Variants in LPL observed in about 807,000 individuals in gnomAD.
LPL encodes the protein phospholipase A1.
Under a neutral mutation model 52.2 loss-of-function variants are expected in LPL, and 43 were observed. The ratio of observed to expected loss-of-function variants is 0.82; its 90% confidence interval spans 0.64 to 1.06. The LOEUF (loss-of-function observed/expected upper bound fraction) is 1.06, where lower values mean the gene tolerates loss of function less well. LPL is among the 50% of genes least tolerant of loss of function. The probability of loss-of-function intolerance (pLI) is 0.00; values close to 1 mark genes in which losing one functional copy is unlikely to be tolerated. For missense variants in LPL, 639 were observed against 585.3 expected, an observed-to-expected ratio of 1.09 and a Z score of -0.95; for synonymous variants, 244 against 215.6, an observed-to-expected ratio of 1.13 and a Z score of -1.15.
rs2069812741 is a variant in LPL, at chr8:19,939,585, A to C, written c.88+57A>C. 2.0e-6 allele frequency: 3 copies of C among 1,514,526 alleles called. No individual in the cohort carries two copies. Among genetic ancestry groups the C allele is most frequent in the Non-Finnish European group, 2.7e-6 (3 of 1,114,416 alleles). 93.8% of individuals were successfully genotyped at this position (1,514,526 alleles called of 1,614,324 possible). A position where few individuals can be genotyped will look rare whatever the true frequency, so the allele number is the denominator to read the frequency against. ...GCAGACCCGGCGGGTGGCCACTGCC[A>C]CCCGAACTGAGGATGAGAAGAAGGA... On this transcript the variant is annotated intron_variant, in intron 1 of 9. Transcript: ENST00000650287. The surrounding 1 kb of genome is among the most constrained non-coding windows in gnomAD (Gnocchi z 4.0).
At chr8:19,949,181 A>G (rs1421976353) in intron 2 of LPL, among the ~76,000 whole-genome samples, 2 of 152,196 alleles carry the variant, frequency 1.3e-5, no homozygotes, top group Non-Finnish European at 2.9e-5. Flanking sequence ...TATATTATCT[A>G]TCCATTATGT....
chr8:19,955,808 G>C, intron 5 of LPL, 33 bp from the exon 6 acceptor site: 1 of 1,613,936 alleles, frequency 6.2e-7, no homozygotes, highest in Non-Finnish European at 8.5e-7. Context: ...AATTTCTGCC[G>C]AGATACAATC....
intron 3 of LPL, among the ~76,000 whole-genome samples, chr8:19,953,038 G>T (rs2069949155): frequency 6.6e-6 from 1 of 151,912 alleles, no homozygotes; most frequent in Non-Finnish European, 1.5e-5. Flanking sequence ...TACTATTTCA[G>T]ATGCATGGAA....
intron 1 of LPL, among the ~76,000 whole-genome samples, chr8:19,941,646 C>T (rs2069839712): frequency 6.6e-6 from 1 of 152,226 alleles, no homozygotes; most frequent in Non-Finnish European, 1.5e-5. Context: ...CCCATCCCCT[C>T]CACTTTCACT....
intron 7 of LPL, among the ~76,000 whole-genome samples, chr8:19,959,775 C>CCCTTTTTTTT (rs2070020694): frequency 9.9e-6 from 1 of 100,730 alleles, no homozygotes; most frequent in Non-Finnish European, 2.0e-5. Flanking sequence ...AAAGTGTTAG[C>CCCTTTTTTTT]TCTTTTTTTT....
intron 1 of LPL, among the ~76,000 whole-genome samples, chr8:19,946,378 A>G (rs1468768969): frequency 1.3e-5 from 2 of 152,138 alleles, no homozygotes; most frequent in African/African-American, 4.8e-5. Flanking sequence ...CTCATTGCAT[A>G]TTTCTTAAAC....
chr8:19,952,117 T>A (rs1413675231), intron 3 of LPL, among the ~76,000 whole-genome samples, 169 bp downstream of exon 3: 1 of 152,218 alleles, frequency 6.6e-6, no homozygotes, highest in African/African-American at 2.4e-5. Context: ...AACATTTTGA[T>A]AAGAATAGAC....
At chr8:19,955,747 T>C in intron 5 of LPL, 94 bp from the exon 6 acceptor site, 3 of 1,499,298 alleles carry the variant, frequency 2.0e-6, no homozygotes, top group Non-Finnish European at 2.8e-6. Flanking sequence ...GATTCTACTC[T>C]AACACCACAT....
chr8:19,961,907 C>T (rs1283880151), intron 8 of LPL, among the ~76,000 whole-genome samples: 1 of 152,142 alleles, frequency 6.6e-6, no homozygotes, highest in African/African-American at 2.4e-5. Context: ...TCTAAATTAA[C>T]TAGCTTGGTT....
rs1205420392 is a variant in LPL, at chr8:19,960,459, T to C, written c.1140-442T>C. ...ATCGTGGTTTATCAAGTCATTAAAA[T>C]CAATCTAGCCTTTAAAAACTATAAT... On this transcript the variant is annotated intron_variant, in intron 7 of 9. Coordinates refer to ENST00000650287, the MANE Select transcript of LPL (RefSeq NM_000237.3). Among the ~76,000 whole-genome samples, 6 of 152,254 alleles carry C rather than the reference T, an allele frequency of 3.9e-5. No homozygotes were observed. The East Asian group carries it at 1.2e-3, about 29-fold the overall frequency.
At chr8:19,954,597 G>A (rs954056546) in intron 5 of LPL, among the ~76,000 whole-genome samples, 20 of 152,152 alleles carry the variant, frequency 1.3e-4, no homozygotes, top group African/African-American at 4.8e-4. Context: ...AGAGAAAAAG[G>A]TGGGATTTTA....
At position 19,962,782 on chromosome 8, in the gene LPL, G is replaced by A. The variant is rs918494362; in HGVS notation, c.1427+563G>A. Among the ~76,000 whole-genome samples the A allele has an allele frequency of 5.9e-5, 9 of 152,196 alleles. No individual in the cohort carries two copies. In the South Asian group the frequency reaches 1.9e-3, roughly 32 times the overall value. The stretch of plus-strand genomic sequence containing the variant: ...CCAAGCAAACAGAATGAGAGTTATA[G>A]GAAACTGTTCTCTCTTCTATCTCCA... On this transcript the variant is annotated intron_variant, in intron 9 of 9. Coordinates refer to ENST00000650287, the MANE Select transcript of LPL (RefSeq NM_000237.3).
rs2069924537 is a variant in LPL, at chr8:19,950,539, C to A, written c.250-1230C>A. On this transcript the variant is annotated intron_variant, in intron 2 of 9. Transcript: ENST00000650287. This position sits in a 1 kb window ranked among gnomAD's most constrained non-coding sequence, Gnocchi z 4.2. ...ACTGGGCTGGGAGCGGTGGCTCATG[C>A]CTGTGATCCCAGCACTCTGGGAGGC... is the stretch of plus-strand genomic sequence containing the variant. Among the ~76,000 whole-genome samples the A allele has an allele frequency of 6.6e-6, 1 of 152,212 alleles. No homozygotes were observed. Among genetic ancestry groups the A allele is most frequent in the Admixed American group, 6.5e-5 (1 of 15,288 alleles).
chr8:19,959,710 C>G (rs1274164764), intron 7 of LPL, among the ~76,000 whole-genome samples: 1 of 147,208 alleles, frequency 6.8e-6, no homozygotes, highest in Non-Finnish European at 1.5e-5. Context: ...GGAAACCACT[C>G]TATAGATGTA....
rs1163379044 is a variant in LPL at position 19,944,689 on chromosome 8, G to A, written c.89-3491G>A. ...TCTATACATTTATCTTTCTCTACGT[G>A]CTTTAACTTCTCAGCCTAATTTCGT... On this transcript the variant is annotated intron_variant, in intron 1 of 9. Coordinates refer to ENST00000650287, the MANE Select transcript of LPL (RefSeq NM_000237.3). This position sits in a 1 kb window ranked among gnomAD's most constrained non-coding sequence, Gnocchi z 4.2. Among the ~76,000 whole-genome samples, 2 of 152,032 alleles carry A rather than the reference G, an allele frequency of 1.3e-5. No individual in the cohort carries two copies. Among genetic ancestry groups the A allele is most frequent in the African/African-American group, 4.8e-5 (2 of 41,380 alleles).
intron 6 of LPL, among the ~76,000 whole-genome samples, chr8:19,957,435 T>A (rs563969022): frequency 6.6e-6 from 1 of 152,326 alleles, no homozygotes; most frequent in East Asian, 1.9e-4. Flanking sequence ...CACCTGTGCT[T>A]CAAGGAAACC....
In LPL at chr8:19,965,421, A is replaced by G; in HGVS notation, c.*111A>G. 1 of 753,332 alleles carries G rather than the reference A, an allele frequency of 1.3e-6. No individual in the cohort carries two copies. The highest frequency in any genetic ancestry group is 1.7e-5 in the African/African-American group (1 of 58,424). 46.7% of individuals were successfully genotyped at this position (753,332 alleles called of 1,614,324 possible). On this transcript the variant is annotated 3_prime_UTR_variant, in exon 10 of 10. Transcript: ENST00000650287. ...AGTGTTTGGGGTGTTTCAAAAGTGG[A>G]TTTTCCTGAATATTAATCCCAGCCC...
At chr8:19,962,450 C>T (rs186713770) in intron 9 of LPL, among the ~76,000 whole-genome samples, 7 of 152,288 alleles carry the variant, frequency 4.6e-5, no homozygotes, top group Admixed American at 1.3e-4. Flanking sequence ...CCCGGACCTT[C>T]AACCCAGGCA....
chr8:19,963,390 C>T (rs531347277), intron 9 of LPL, among the ~76,000 whole-genome samples: 37 of 149,856 alleles, frequency 2.5e-4, no homozygotes, highest in Middle Eastern at 6.9e-3. Flanking sequence ...GAGATGAGAT[C>T]GCGCCATTAT....
Sources: gnomAD v4.1 joint callset for allele counts (sites outside exome capture counted in the v4.1 genomes callset) on GRCh38, gnomAD v4.1.1 for gene constraint, Gnocchi (gnomAD v3.1) non-coding constraint, MANE v1.5 for transcripts, NCBI Gene and HGNC (gene_info 2026-07-23, HGNC 2026-07-21) for gene names.